The following NKAIN3 variants were observed in gnomAD, a reference collection of about 807,000 sequenced individuals.
NKAIN3 encodes sodium/potassium transporting ATPase interacting 3.
A neutral mutation model predicts 30.2 loss-of-function variants in NKAIN3; 25 were observed. The observed-to-expected ratio is 0.83, with a 90% CI of 0.60 to 1.16. NKAIN3 has a LOEUF of 1.16. Among genes scored for constraint, NKAIN3 ranks in the 50% most tolerant of loss-of-function variants. The probability of loss-of-function intolerance (pLI) is 0.00; values close to 1 mark genes in which losing one functional copy is unlikely to be tolerated. For missense variants in NKAIN3, 225 were observed against 254.1 expected, an observed-to-expected ratio of 0.89 and a Z score of 0.78; for synonymous variants, 91 against 89.6, an observed-to-expected ratio of 1.02 and a Z score of -0.09.
intron 1 of NKAIN3, among the ~76,000 whole-genome samples, chr8:62,313,182 G>A (rs1814502982): frequency 6.6e-6 from 1 of 152,038 alleles, no homozygotes; most frequent in African/African-American, 2.4e-5. Flanking sequence ...AACTAATTGT[G>A]AATGTATGCC....
intron 3 of NKAIN3, among the ~76,000 whole-genome samples, chr8:62,614,801 G>A (rs987903625): frequency 1.4e-5 from 2 of 141,608 alleles, no homozygotes; most frequent in African/African-American, 5.4e-5. Flanking sequence ...AGACCCATGG[G>A]GAGTACTGCC....
At chr8:62,496,926 G>A (rs191706247) in intron 1 of NKAIN3, among the ~76,000 whole-genome samples, 9 of 152,156 alleles carry the variant, frequency 5.9e-5, no homozygotes, top group Non-Finnish European at 1.0e-4. Flanking sequence ...ATTCCCTAGT[G>A]TCTTAATAAC....
Position 62,855,401 on chromosome 8 carries a change from C to T in NKAIN3, c.472-63052C>T, listed in dbSNP as rs550214809. On this transcript the variant is annotated intron_variant, in intron 4 of 6. Transcript: ENST00000623646. ...GGGCACAGTGAAATTGCCCAGCATGCCCTTGCTGATATTGGCCTTCAGCTC... is the reference window on the plus strand; with the variant it reads ...GGGCACAGTGAAATTGCCCAGCATGTCCTTGCTGATATTGGCCTTCAGCTC... 22 of 865,154 alleles carry T rather than the reference C, an allele frequency of 2.5e-5. No homozygotes were observed. The South Asian group carries it at 2.6e-4, about 10-fold the overall frequency. 53.6% of individuals were successfully genotyped at this position (865,154 alleles called of 1,614,324 possible).
At chr8:62,269,656 T>C (rs1178196557) in intron 1 of NKAIN3, among the ~76,000 whole-genome samples, 1 of 152,186 alleles carries the variant, frequency 6.6e-6, no homozygotes, top group Non-Finnish European at 1.5e-5. Flanking sequence ...TCTGAAAATG[T>C]ATTACTTATT....
At chr8:62,707,618 G>A (rs1357936026) in intron 3 of NKAIN3, among the ~76,000 whole-genome samples, 2 of 152,076 alleles carry the variant, frequency 1.3e-5, no homozygotes, top group African/African-American at 4.8e-5. Context: ...GTAGATTCTG[G>A]ATGTTGGTCC....
At chr8:62,712,947 G>A (rs1025643393) in intron 3 of NKAIN3, among the ~76,000 whole-genome samples, 2 of 152,124 alleles carry the variant, frequency 1.3e-5, no homozygotes, top group East Asian at 3.9e-4. Flanking sequence ...TCTCTAAACT[G>A]ACTCGGCTCC....
intron 3 of NKAIN3, among the ~76,000 whole-genome samples, chr8:62,611,515 G>A (rs7000003): frequency 0.024 from 3,595 of 152,108 alleles, 103 homozygotes; most frequent in African/African-American, 0.075. Context: ...TTGATTTTTA[G>A]ATTCCATACA....
chr8:62,950,598 G>C (rs1823254766), intron 5 of NKAIN3, among the ~76,000 whole-genome samples: 1 of 151,942 alleles, frequency 6.6e-6, no homozygotes, highest in Admixed American at 6.6e-5. Flanking sequence ...CTGATATGCA[G>C]AGAAGGTATA....
intron 1 of NKAIN3, among the ~76,000 whole-genome samples, chr8:62,390,634 T>C (rs536956378): frequency 4.6e-4 from 70 of 152,232 alleles, no homozygotes; most frequent in Non-Finnish European, 9.6e-4. Flanking sequence ...TGTTCCACAA[T>C]GGTTGAACTA....
intron 6 of NKAIN3, 56 bp from the exon 7 acceptor site, chr8:62,965,289 AATATAAAAG>A (rs1384875040): frequency 2.0e-6 from 2 of 985,622 alleles, no homozygotes; most frequent in African/African-American, 3.5e-5. Flanking sequence ...GGCCTCAATG[AATATAAAAG>A]ATATTTAGCT....
chr8:62,604,013 A>G (rs575043020), intron 3 of NKAIN3, among the ~76,000 whole-genome samples: 7 of 152,216 alleles, frequency 4.6e-5, no homozygotes, highest in African/African-American at 1.7e-4. Flanking sequence ...AGTTCCTAAC[A>G]AGCCAGTGTC....
chr8:62,401,654 C>A (rs138302056), intron 1 of NKAIN3, among the ~76,000 whole-genome samples: 1 of 152,188 alleles, frequency 6.6e-6, no homozygotes, highest in African/African-American at 2.4e-5. Flanking sequence ...AGGAACCCCA[C>A]GCCCAGTAAC....
chr8:62,616,049 C>G (rs985374480), intron 3 of NKAIN3, among the ~76,000 whole-genome samples: 12 of 152,138 alleles, frequency 7.9e-5, no homozygotes, highest in African/African-American at 2.7e-4. Context: ...ACCATCTTAC[C>G]CCAACTCTCC....
At chr8:62,689,398 A>T (rs2078085035) in intron 3 of NKAIN3, among the ~76,000 whole-genome samples, 1 of 152,100 alleles carries the variant, frequency 6.6e-6, no homozygotes, top group South Asian at 2.1e-4. Flanking sequence ...TTTATCTCAC[A>T]TTGTTCATTT....
At chr8:62,712,449 A>G (rs1158793079) in intron 3 of NKAIN3, among the ~76,000 whole-genome samples, 1 of 152,044 alleles carries the variant, frequency 6.6e-6, no homozygotes, top group Non-Finnish European at 1.5e-5. Flanking sequence ...TTCACAGGTC[A>G]CTGAAGTTGT....
chr8:62,852,838 T>C (rs1819950657), intron 4 of NKAIN3, among the ~76,000 whole-genome samples: 1 of 152,218 alleles, frequency 6.6e-6, no homozygotes, highest in Non-Finnish European at 1.5e-5. Context: ...ATCATTTCTG[T>C]TCTTTTACAT....
chr8:62,542,576 A>G lies in NKAIN3; in HGVS notation c.55-36963A>G, dbSNP rs114546320. 4.4e-3 allele frequency among the ~76,000 whole-genome samples: 666 copies of G among 152,284 alleles called. 3 individuals are homozygous for G. The highest frequency in any genetic ancestry group is 0.015 in the African/African-American group (628 of 41,576). ...ATCTATAACAGTCATCCACCATAAA[A>G]AGACCATTTGAGTTCCTCTATCCCA... is the stretch of plus-strand genomic sequence containing the variant. On this transcript the variant is annotated intron_variant, in intron 1 of 6. Transcript: ENST00000623646.
chr8:62,340,391 G>C (rs1029595416), intron 1 of NKAIN3, among the ~76,000 whole-genome samples: 3 of 151,888 alleles, frequency 2.0e-5, no homozygotes, highest in Non-Finnish European at 1.5e-5. Flanking sequence ...GGCTTGCTTT[G>C]GGGGAGAGGA....
intron 3 of NKAIN3, among the ~76,000 whole-genome samples, chr8:62,601,478 G>A (rs1490557470): frequency 1.3e-5 from 2 of 151,888 alleles, no homozygotes; most frequent in African/African-American, 4.8e-5. Flanking sequence ...TGAAGTAAAT[G>A]GATCTATCTA....
Sources: allele counts gnomAD v4.1 joint callset (sites outside exome capture counted in the v4.1 genomes callset), GRCh38; gene constraint gnomAD v4.1.1; transcripts MANE v1.5; gene names NCBI Gene and HGNC (gene_info 2026-07-23, HGNC 2026-07-21).